The following OPN5 variants were observed in gnomAD, a reference collection of about 807,000 sequenced individuals.
The protein encoded by OPN5 is opsin-5.
OPN5 carries 18 observed loss-of-function variants against 41.7 expected under a neutral mutation model. That is an observed-to-expected ratio of 0.43 (90% CI 0.30 to 0.64). OPN5 has a LOEUF of 0.64. OPN5 is among the 30% of genes least tolerant of loss of function. OPN5 has a pLI of 0.13. For missense variants in OPN5, 318 were observed against 434.5 expected, an observed-to-expected ratio of 0.73 and a Z score of 2.38; for synonymous variants, 178 against 164.3, an observed-to-expected ratio of 1.08 and a Z score of -0.64.
intron 6 of OPN5, chr6:47,823,567 T>G: frequency 9.5e-6 from 2 of 210,938 alleles, no homozygotes; most frequent in East Asian, 2.0e-4. Context: ...AAAAAAAGTC[T>G]TAAAAAATGA....
intron 4 of OPN5, among the ~76,000 whole-genome samples, chr6:47,806,011 T>C (rs1773945757): frequency 2.0e-5 from 3 of 151,976 alleles, no homozygotes; most frequent in Admixed American, 6.6e-5. Context: ...TTCCTATTAT[T>C]GTAGCCAGGA....
In OPN5 at chr6:47,784,838, T is replaced by C. The variant is rs540335173; in HGVS notation, c.131-1677T>C. Among the ~76,000 whole-genome samples the C allele has an allele frequency of 3.3e-5, 5 of 152,340 alleles. No homozygotes were observed. In the South Asian group the frequency reaches 1.0e-3, roughly 32 times the overall value. Reference sequence around the variant, plus strand: ...GATATTTTTGTATCCATAAATGATATAGGATTTGATAATCTAAAAGTGTCC... The same window carrying C: ...GATATTTTTGTATCCATAAATGATACAGGATTTGATAATCTAAAAGTGTCC... On this transcript the variant is annotated intron_variant, in intron 1 of 6. Transcript: ENST00000371211.
At chr6:47,793,924 G>A (rs1446804389) in intron 3 of OPN5, among the ~76,000 whole-genome samples, 1 of 152,062 alleles carries the variant, frequency 6.6e-6, no homozygotes, top group Non-Finnish European at 1.5e-5. Context: ...CTACATGATT[G>A]CCACCCCTAT....
intron 1 of OPN5, among the ~76,000 whole-genome samples, chr6:47,783,854 C>A (rs544521910): frequency 6.6e-6 from 1 of 152,294 alleles, no homozygotes; most frequent in South Asian, 2.1e-4. Flanking sequence ...TTTAGCATAG[C>A]TCCATCACTT....
At chr6:47,795,550 T>G in exon 4 of OPN5, 2 of 1,612,206 alleles carry the variant, frequency 1.2e-6, no homozygotes, top group Non-Finnish European at 1.7e-6. Flanking sequence ...GTGCTGGAAA[T>G]GAAACTGACA....
chr6:47,820,459 C>T (rs1262856065), intron 6 of OPN5, among the ~76,000 whole-genome samples: 1 of 152,152 alleles, frequency 6.6e-6, no homozygotes, highest in Non-Finnish European at 1.5e-5. Flanking sequence ...TTTCATCTCG[C>T]TTGATTTAAA....
chr6:47,811,016 G>A (rs116267936), intron 5 of OPN5, among the ~76,000 whole-genome samples: 1,573 of 152,218 alleles, frequency 0.01, 34 homozygotes, highest in African/African-American at 0.036. Flanking sequence ...GAAAGCTAAC[G>A]AACCAGAGGC....
At chr6:47,789,857 G>C (rs1207687563) in intron 2 of OPN5, among the ~76,000 whole-genome samples, 2 of 151,606 alleles carry the variant, frequency 1.3e-5, no homozygotes, top group African/African-American at 4.8e-5. Context: ...ACCTTCTTTT[G>C]TGATATAGAT....
intron 5 of OPN5, 104 bp from the exon 6 acceptor site, chr6:47,811,570 T>C: frequency 9.1e-6 from 5 of 550,102 alleles, no homozygotes; most frequent in Admixed American, 2.6e-5. Context: ...CACATAATCC[T>C]CATAGTAGTC....
intron 6 of OPN5, among the ~76,000 whole-genome samples, chr6:47,821,119 G>C (rs913968174): frequency 2.0e-5 from 3 of 152,186 alleles, no homozygotes; most frequent in Non-Finnish European, 4.4e-5. Context: ...TGGCCTTGCT[G>C]CATCAGGGGT....
chr6:47,818,206 G>A (rs1762487856), intron 6 of OPN5, among the ~76,000 whole-genome samples: 1 of 152,102 alleles, frequency 6.6e-6, no homozygotes, highest in African/African-American at 2.4e-5. Context: ...GTTAGAGGGG[G>A]AAAAAGCACC....
chr6:47,824,326 A>G, exon 7 of OPN5: 1 of 359,292 alleles, frequency 2.8e-6, no homozygotes, highest in South Asian at 5.7e-5. Flanking sequence ...CTGGCCTGAA[A>G]AGCCTGATTC....
chr6:47,787,901 AAAAG>A (rs1221776016), intron 2 of OPN5, among the ~76,000 whole-genome samples: 2 of 152,214 alleles, frequency 1.3e-5, no homozygotes, highest in African/African-American at 2.4e-5. Context: ...TAATTAAAAA[AAAAG>A]AGTTTTCCGA....
intron 4 of OPN5, among the ~76,000 whole-genome samples, chr6:47,807,460 G>T (rs188201370): frequency 6.6e-6 from 1 of 152,110 alleles, no homozygotes; most frequent in African/African-American, 2.4e-5. Flanking sequence ...GACTTCTGAG[G>T]GTATTTAAAA....
At chr6:47,820,300 G>C (rs1463206947) in intron 6 of OPN5, among the ~76,000 whole-genome samples, 2 of 152,116 alleles carry the variant, frequency 1.3e-5, no homozygotes, top group Admixed American at 6.6e-5. Flanking sequence ...GGAAACTGAG[G>C]CACAGAGAAT....
At chr6:47,814,923 G>A (rs1420886770) in intron 6 of OPN5, among the ~76,000 whole-genome samples, 3 of 152,062 alleles carry the variant, frequency 2.0e-5, no homozygotes, top group African/African-American at 2.4e-5. Flanking sequence ...AATCAAACAA[G>A]TAATGACTTG....
chr6:47,790,177 C>G (rs1284765717), intron 2 of OPN5, among the ~76,000 whole-genome samples: 1 of 152,110 alleles, frequency 6.6e-6, no homozygotes, highest in Non-Finnish European at 1.5e-5. Flanking sequence ...AAATCTGGTT[C>G]TAACCTTAAC....
At chr6:47,788,805 T>TCG (rs1554139113) in intron 2 of OPN5, among the ~76,000 whole-genome samples, 1 of 125,162 alleles carries the variant, frequency 8.0e-6, no homozygotes, top group Non-Finnish European at 1.6e-5. Flanking sequence ...TAGGATAACC[T>TCG]GGGGGGGGGC....
In OPN5 at chr6:47,817,699, T is replaced by G. The variant is rs141397641; in HGVS notation, c.1056+5968T>G. ...GATTCTGTTAAGACTAATGTGTTTT[T>G]AAGTCTTTTCCCATTGGATGTGGTC... On this transcript the variant is annotated intron_variant, in intron 6 of 6. Coordinates refer to ENST00000371211, the Ensembl canonical transcript of OPN5. Among the ~76,000 whole-genome samples, 285 of 152,314 alleles carry G rather than the reference T, an allele frequency of 1.9e-3. 2 individuals are homozygous for G. Among genetic ancestry groups the G allele is most frequent in the African/African-American group, 6.7e-3 (280 of 41,572 alleles).
Sources: gnomAD v4.1 joint callset for allele counts (sites outside exome capture counted in the v4.1 genomes callset) on GRCh38, gnomAD v4.1.1 for gene constraint, MANE v1.5 for transcripts, NCBI Gene and HGNC (gene_info 2026-07-23, HGNC 2026-07-21) for gene names.